TMPRSS2: variants seen among roughly 807,000 people sequenced by gnomAD.
TMPRSS2 encodes the protein transmembrane protease serine 2.
A neutral mutation model predicts 67.4 loss-of-function variants in TMPRSS2; 59 were observed. That is an observed-to-expected ratio of 0.88 (90% CI 0.71 to 1.09). The LOEUF is 1.09. TMPRSS2 is among the 50% of genes least tolerant of loss of function. The probability of loss-of-function intolerance (pLI) is 0.00; values close to 1 mark genes in which losing one functional copy is unlikely to be tolerated. For synonymous variants in TMPRSS2, 257 were observed against 257.0 expected, an observed-to-expected ratio of 1.00 and a Z score of 0.00; for missense variants, 668 against 642.7, an observed-to-expected ratio of 1.04 and a Z score of -0.43.
chr21:41,505,619 G>A (rs2091452528), intron 1 of TMPRSS2, among the ~76,000 whole-genome samples: 1 of 152,206 alleles, frequency 6.6e-6, no homozygotes, highest in Admixed American at 6.5e-5. Context: ...GCAGCACGGA[G>A]CCCAGGTAGG....
Position 41,480,563 on chromosome 21 carries a change from G to A in TMPRSS2, c.485C>T (p.Ser162Leu), listed in dbSNP as rs1569017516. Residue 162 changes from serine to leucine, a missense_variant, in exon 6 of 14, where the codon TCA becomes TTA. Coordinates refer to ENST00000332149, the MANE Select transcript of TMPRSS2 (RefSeq NM_005656.4). ...YGPNFILQVYSSQRKSWHPVC... is the reference protein window; with the variant it reads ...YGPNFILQVYLSQRKSWHPVC... ...AGGGTGCCAGGACTTCCTCTGAGAT[G>A]AGTACACCTGAAGGATGAAGTTTGG... The A allele has an allele frequency of 6.2e-7, 1 of 1,613,890 alleles. No individual in the cohort carries two copies. The highest frequency in any genetic ancestry group is 1.3e-5 in the African/African-American group (1 of 75,080).
intron 11 of TMPRSS2, among the ~76,000 whole-genome samples, chr21:41,469,554 T>C (rs1601560863): frequency 6.6e-6 from 1 of 152,284 alleles, no homozygotes; most frequent in East Asian, 1.9e-4. Flanking sequence ...TGAAGATACA[T>C]GCACTAGCCT....
chr21:41,488,558 G>T (rs386416), intron 4 of TMPRSS2, 45 bp from the exon 5 acceptor site: 3 of 1,573,594 alleles, frequency 1.9e-6, no homozygotes, highest in East Asian at 2.3e-5. Context: ...GCTGAGAAAC[G>T]CAATGAGCCT....
chr21:41,469,244 A>T (rs2091110698), intron 11 of TMPRSS2, among the ~76,000 whole-genome samples: 1 of 152,074 alleles, frequency 6.6e-6, no homozygotes, highest in African/African-American at 2.4e-5. Context: ...TCCCACAGAC[A>T]TGCAACCCAT....
At chr21:41,477,425 C>T (rs1392327481) in intron 7 of TMPRSS2, among the ~76,000 whole-genome samples, 2 of 152,162 alleles carry the variant, frequency 1.3e-5, no homozygotes, top group African/African-American at 4.8e-5. Context: ...GTTTCTTTAC[C>T]AATCACAGCT....
chr21:41,471,715 C>T (rs907642607), intron 10 of TMPRSS2, 91 bp downstream of exon 10: 59 of 1,427,252 alleles, frequency 4.1e-5, no homozygotes, highest in Non-Finnish European at 5.3e-5. Context: ...GCAAATGCCT[C>T]CCTTCCATTT....
At chr21:41,479,755 C>T (rs570835062) in intron 6 of TMPRSS2, among the ~76,000 whole-genome samples, 1 of 152,032 alleles carries the variant, frequency 6.6e-6, no homozygotes, top group South Asian at 2.1e-4. Flanking sequence ...TATTGAATAC[C>T]CTAAAGTTGC....
intron 3 of TMPRSS2, 142 bp downstream of exon 3, chr21:41,494,214 G>GACA (rs2091360056): frequency 3.3e-6 from 3 of 904,056 alleles, no homozygotes; most frequent in Non-Finnish European, 5.1e-6. Context: ...AAGGCATGAA[G>GACA]ACAGGCTGGC....
chr21:41,469,697 C>T lies in TMPRSS2; in HGVS notation c.1171+951G>A, dbSNP rs138804863. Reference sequence around the variant, plus strand: ...CACCCTCAGATGTTTGGAAGTACCTCGCTCAGTTGTTTGTCTCCCATCTGT... The same window carrying T: ...CACCCTCAGATGTTTGGAAGTACCTTGCTCAGTTGTTTGTCTCCCATCTGT... On this transcript the variant is annotated intron_variant, in intron 11 of 13. Coordinates refer to ENST00000332149, the MANE Select transcript of TMPRSS2 (RefSeq NM_005656.4). Among the ~76,000 whole-genome samples, 3 of 152,254 alleles carry T rather than the reference C, an allele frequency of 2.0e-5. No homozygotes were observed. In the East Asian group the frequency reaches 5.8e-4, roughly 29 times the overall value.
intron 3 of TMPRSS2, among the ~76,000 whole-genome samples, chr21:41,492,206 AC>A (rs1791706045): frequency 6.8e-6 from 1 of 146,020 alleles, no homozygotes; most frequent in Non-Finnish European, 1.5e-5. Context: ...AAACAAACAA[AC>A]AAACAAACAA....
chr21:41,477,665 G>T (rs892560505), intron 7 of TMPRSS2, among the ~76,000 whole-genome samples: 2 of 152,008 alleles, frequency 1.3e-5, no homozygotes, highest in Admixed American at 6.5e-5. Context: ...ATTCCAGGTG[G>T]ACTCTGGCTC....
At chr21:41,472,054 A>T in intron 9 of TMPRSS2, 73 bp from the exon 10 acceptor site, 1 of 1,426,298 alleles carries the variant, frequency 7.0e-7, no homozygotes, top group Non-Finnish European at 9.4e-7. Flanking sequence ...TTCCAACGTC[A>T]GAAGCTGGAG....
rs34671875 is a variant in TMPRSS2 at position 41,499,282 on chromosome 21, T to TGCC, written c.-56-1096_-56-1094dup. Among the ~76,000 whole-genome samples, 231 of 152,296 alleles carry TGCC rather than the reference T, an allele frequency of 1.5e-3. 5 individuals are homozygous for TGCC. In the East Asian group the frequency reaches 0.038, roughly 25 times the overall value. ...AACAGTTAACAATAATAGCTAGAGATGCCGTCAACACGAAATGCTGTATAG... is the reference window on the plus strand; with the variant it reads ...AACAGTTAACAATAATAGCTAGAGATGCCGCCGTCAACACGAAATGCTGTATAG... On this transcript the variant is annotated intron_variant, in intron 1 of 13. Coordinates refer to ENST00000332149, the MANE Select transcript of TMPRSS2 (RefSeq NM_005656.4).
intron 13 of TMPRSS2, 32 bp downstream of exon 13, chr21:41,467,702 G>A (rs1212215576): frequency 1.2e-6 from 2 of 1,610,050 alleles, no homozygotes; most frequent in Admixed American, 1.7e-5. Flanking sequence ...AGGAATCGGA[G>A]AACACAGTCA....
chr21:41,503,895 C>T (rs1264222973), intron 1 of TMPRSS2, among the ~76,000 whole-genome samples: 1 of 152,122 alleles, frequency 6.6e-6, no homozygotes, highest in Non-Finnish European at 1.5e-5. Context: ...CAAAGAACTC[C>T]AAGCCCATCG....
intron 3 of TMPRSS2, among the ~76,000 whole-genome samples, 183 bp downstream of exon 3, chr21:41,494,173 G>T (rs749430893): frequency 1.3e-5 from 2 of 152,218 alleles, no homozygotes; most frequent in African/African-American, 4.8e-5. Flanking sequence ...GCCTGGCAGC[G>T]ACAGCTTTGA....
chr21:41,465,347 T>C lies in TMPRSS2; in HGVS notation c.*795A>G. ...GAAGAGGCCAACATGGTGCCAGACTTGGCGCCCTGCCAGGACCAAGGGGCA... is the reference window on the plus strand; with the variant it reads ...GAAGAGGCCAACATGGTGCCAGACTCGGCGCCCTGCCAGGACCAAGGGGCA... On this transcript the variant is annotated 3_prime_UTR_variant, in exon 14 of 14. Coordinates refer to ENST00000332149, the MANE Select transcript of TMPRSS2 (RefSeq NM_005656.4). 1 of 233,690 alleles carries C rather than the reference T, an allele frequency of 4.3e-6. No individual in the cohort carries two copies. Among genetic ancestry groups the C allele is most frequent in the Non-Finnish European group, 8.5e-6 (1 of 118,050 alleles). The allele number at this position is 233,690 out of a possible 1,614,324, so 14.5% of individuals were successfully genotyped here.
At chr21:41,493,464 A>G (rs372754595) in intron 3 of TMPRSS2, among the ~76,000 whole-genome samples, 2 of 152,198 alleles carry the variant, frequency 1.3e-5, no homozygotes, top group East Asian at 1.9e-4. Flanking sequence ...GGCATTAATC[A>G]CGTTGATGAC....
chr21:41,501,194 C>T (rs1383058112), intron 1 of TMPRSS2, among the ~76,000 whole-genome samples: 2 of 152,208 alleles, frequency 1.3e-5, no homozygotes, highest in African/African-American at 4.8e-5. Flanking sequence ...GACCCAGAGG[C>T]AGTCACAGGA....
Sources: allele counts gnomAD v4.1 joint callset (sites outside exome capture counted in the v4.1 genomes callset), GRCh38; gene constraint gnomAD v4.1.1; transcripts MANE v1.5; gene names NCBI Gene and HGNC (gene_info 2026-07-23, HGNC 2026-07-21).